KCNQ5: variants seen among roughly 807,000 people sequenced by gnomAD.
The protein encoded by KCNQ5 is potassium voltage-gated channel subfamily KQT member 5.
A neutral mutation model predicts 98.2 loss-of-function variants in KCNQ5; 30 were observed. The observed-to-expected ratio is 0.31, with a 90% CI of 0.23 to 0.41. KCNQ5 has a LOEUF of 0.41. Among genes scored for constraint, KCNQ5 ranks in the 10% least tolerant of loss-of-function variants. The pLI is 1.00. For missense variants in KCNQ5, 835 were observed against 1,182.5 expected, an observed-to-expected ratio of 0.71 and a Z score of 4.31; for synonymous variants, 458 against 449.4, an observed-to-expected ratio of 1.02 and a Z score of -0.24.
intron 7 of KCNQ5, among the ~76,000 whole-genome samples, chr6:73,120,258 T>A (rs1022074768): frequency 1.3e-5 from 2 of 151,668 alleles, no homozygotes; most frequent in African/African-American, 4.8e-5. Flanking sequence ...AATAAATAAA[T>A]AATAAAATAA....
Position 73,041,191 on chromosome 6 carries a change from C to T in KCNQ5, c.490-745C>T, listed in dbSNP as rs142150898. Among the ~76,000 whole-genome samples, 18 of 152,294 alleles carry T rather than the reference C, an allele frequency of 1.2e-4. 1 individual carries two copies. In the East Asian group the frequency reaches 2.5e-3, roughly 21 times the overall value. On this transcript the variant is annotated intron_variant, in intron 2 of 13. Transcript: ENST00000370398. ...TCCATTTGGTTTTTCATTCTATCAT[C>T]GACTGTTTAATGAGCCACTCTAGCT... is the stretch of plus-strand genomic sequence containing the variant.
chr6:73,103,999 C>A (rs1774902746), intron 5 of KCNQ5, among the ~76,000 whole-genome samples: 1 of 151,640 alleles, frequency 6.6e-6, no homozygotes. Context: ...ACTGTGTACC[C>A]ACAAAAATTA....
chr6:72,777,170 G>T (rs189910676), intron 1 of KCNQ5, among the ~76,000 whole-genome samples: 22 of 152,310 alleles, frequency 1.4e-4, no homozygotes, highest in Admixed American at 3.3e-4. Flanking sequence ...TCTTTATCAT[G>T]TAAGAAATAG....
chr6:72,937,815 T>C (rs1446726774), intron 1 of KCNQ5, among the ~76,000 whole-genome samples: 1 of 152,178 alleles, frequency 6.6e-6, no homozygotes, highest in Admixed American at 6.5e-5. Flanking sequence ...TTAAAGATAA[T>C]GGGAGTTTTT....
intron 1 of KCNQ5, among the ~76,000 whole-genome samples, chr6:73,002,762 A>G (rs1214238331): frequency 6.6e-6 from 1 of 152,164 alleles, no homozygotes; most frequent in African/African-American, 2.4e-5. Flanking sequence ...TAAATGAATG[A>G]CTGTGACTGT....
Position 72,955,362 on chromosome 6 carries a change from A to T in KCNQ5, c.399-48546A>T, listed in dbSNP as rs1276522491. On this transcript the variant is annotated intron_variant, in intron 1 of 13. Transcript: ENST00000370398. ...TCACCTGCTTAAAGTTAATGCAAAA[A>T]GTCAAATTGAGGCCTTTGATTAAAT... Among the ~76,000 whole-genome samples, 5 of 152,360 alleles carry T rather than the reference A, an allele frequency of 3.3e-5. No individual in the cohort carries two copies. The East Asian group carries it at 9.6e-4, about 29-fold the overall frequency.
At chr6:72,956,753 C>T (rs564201463) in intron 1 of KCNQ5, among the ~76,000 whole-genome samples, 6 of 151,520 alleles carry the variant, frequency 4.0e-5, no homozygotes, top group Non-Finnish European at 7.4e-5. Flanking sequence ...CCTATGTATT[C>T]AACAGATTAA....
At chr6:73,155,638 G>A (rs1777333779) in intron 10 of KCNQ5, among the ~76,000 whole-genome samples, 1 of 152,098 alleles carries the variant, frequency 6.6e-6, no homozygotes, top group Non-Finnish European at 1.5e-5. Context: ...CTGAGAAATC[G>A]ACTTTGACAT....
At chr6:72,703,169 T>TC (rs1270302328) in intron 1 of KCNQ5, among the ~76,000 whole-genome samples, 1 of 152,216 alleles carries the variant, frequency 6.6e-6, no homozygotes, top group Admixed American at 6.5e-5. Context: ...TGGTTATTTG[T>TC]CATCTACTCT....
chr6:72,670,629 G>A (rs1392440738), intron 1 of KCNQ5, among the ~76,000 whole-genome samples: 1 of 152,170 alleles, frequency 6.6e-6, no homozygotes, highest in African/African-American at 2.4e-5. Flanking sequence ...CACAGTTCTG[G>A]ATGCTAGAAG....
chr6:73,170,118 G>A (rs1459012627), intron 11 of KCNQ5, among the ~76,000 whole-genome samples: 1 of 152,158 alleles, frequency 6.6e-6, no homozygotes, highest in Non-Finnish European at 1.5e-5. Context: ...GGCTTGTCGT[G>A]TGTATTTGCT....
At chr6:72,724,762 A>G (rs112365486) in intron 1 of KCNQ5, among the ~76,000 whole-genome samples, 5,589 of 152,268 alleles carry the variant, frequency 0.037, 347 homozygotes, top group African/African-American at 0.13. Flanking sequence ...TACTTTATAG[A>G]CTTGACGACC....
intron 10 of KCNQ5, among the ~76,000 whole-genome samples, chr6:73,158,857 A>G (rs1483177598): frequency 6.6e-6 from 1 of 152,198 alleles, no homozygotes; most frequent in Non-Finnish European, 1.5e-5. Context: ...CATACTATTC[A>G]TAATTGCCTT....
chr6:72,943,908 C>A (rs979697219), intron 1 of KCNQ5, among the ~76,000 whole-genome samples: 1 of 152,210 alleles, frequency 6.6e-6, no homozygotes, highest in Non-Finnish European at 1.5e-5. Flanking sequence ...TTAACCTTCA[C>A]AACAGCTGTA....
chr6:72,683,957 G>A (rs903832147), intron 1 of KCNQ5, among the ~76,000 whole-genome samples: 11 of 152,088 alleles, frequency 7.2e-5, no homozygotes, highest in African/African-American at 2.2e-4. Context: ...GAAAGCCATC[G>A]GTATCTTCAT....
chr6:72,752,815 T>C (rs534203872), intron 1 of KCNQ5, among the ~76,000 whole-genome samples: 4 of 152,258 alleles, frequency 2.6e-5, no homozygotes, highest in South Asian at 2.1e-4. Context: ...ATTAATACTA[T>C]AAAATTAAAT....
intron 10 of KCNQ5, among the ~76,000 whole-genome samples, chr6:73,159,991 T>G (rs7769085): frequency 0.65 from 95,004 of 145,050 alleles, 30,607 homozygotes; most frequent in East Asian, 0.88. Context: ...CGCTATGGTT[T>G]TTTTTGTTTG....
chr6:72,764,936 T>G (rs1394865050), intron 1 of KCNQ5, among the ~76,000 whole-genome samples: 1 of 152,066 alleles, frequency 6.6e-6, no homozygotes, highest in Non-Finnish European at 1.5e-5. Flanking sequence ...TCCATGTTAT[T>G]GCAAATGACT....
chr6:73,190,075 T>C (rs1244709058), intron 11 of KCNQ5, among the ~76,000 whole-genome samples: 2 of 88,728 alleles, frequency 2.3e-5, no homozygotes, highest in African/African-American at 1.2e-4. Flanking sequence ...CAGGAATAAT[T>C]TATGGGAAAA....
Sources: allele counts gnomAD v4.1 joint callset (sites outside exome capture counted in the v4.1 genomes callset), GRCh38; gene constraint gnomAD v4.1.1; transcripts MANE v1.5; gene names NCBI Gene and HGNC (gene_info 2026-07-23, HGNC 2026-07-21).